The following TGFA variants were observed in gnomAD, a reference collection of about 807,000 sequenced individuals.
TGFA encodes the protein transforming growth factor alpha.
Under a neutral mutation model 21.7 loss-of-function variants are expected in TGFA, and 12 were observed. The observed-to-expected ratio is 0.55, with a 90% CI of 0.35 to 0.90. TGFA has a LOEUF of 0.90. Ranked by LOEUF, TGFA falls within the 40% of genes least tolerant of loss-of-function variation. The pLI is 0.01. For synonymous variants in TGFA, 79 were observed against 88.1 expected (o/e 0.90, Z 0.58); for missense variants, 178 against 210.8 (o/e 0.84, Z 0.96).
chr2:70,467,221 G>T (rs1195623831), intron 2 of TGFA, among the ~76,000 whole-genome samples: 3 of 152,122 alleles, frequency 2.0e-5, no homozygotes, highest in Admixed American at 2.0e-4. Flanking sequence ...TTAAAAAAAA[G>T]ATTACTTAAA....
At chr2:70,487,092 T>C (rs1443777976) in intron 2 of TGFA, among the ~76,000 whole-genome samples, 1 of 152,214 alleles carries the variant, frequency 6.6e-6, no homozygotes, top group Non-Finnish European at 1.5e-5. Context: ...CTTTTGAAAT[T>C]GCAAAAGCAA....
intron 2 of TGFA, among the ~76,000 whole-genome samples, chr2:70,497,423 A>G (rs562831949): frequency 6.6e-6 from 1 of 152,358 alleles, no homozygotes; most frequent in South Asian, 2.1e-4. Flanking sequence ...TGTTCAATTC[A>G]GTGAATCTCC....
chr2:70,489,915 G>T (rs1553497270), intron 2 of TGFA, among the ~76,000 whole-genome samples: 6 of 152,136 alleles, frequency 3.9e-5, no homozygotes, highest in Non-Finnish European at 8.8e-5. Flanking sequence ...GAGATATGTA[G>T]CTCTGGTTTA....
chr2:70,541,267 C>A (rs542743979), intron 1 of TGFA, among the ~76,000 whole-genome samples: 3 of 152,118 alleles, frequency 2.0e-5, no homozygotes, highest in Non-Finnish European at 4.4e-5. Context: ...ATATCCTAGC[C>A]ATTAAAAATT....
intron 1 of TGFA, among the ~76,000 whole-genome samples, chr2:70,540,513 C>A (rs1404887980): frequency 6.6e-6 from 1 of 152,186 alleles, no homozygotes; most frequent in East Asian, 1.9e-4. Flanking sequence ...GTTTACCCCA[C>A]ATCTTACACC....
At chr2:70,533,604 G>A (rs917170752) in intron 1 of TGFA, among the ~76,000 whole-genome samples, 2 of 151,884 alleles carry the variant, frequency 1.3e-5, no homozygotes, top group African/African-American at 4.8e-5. Flanking sequence ...CAACAGACCA[G>A]CAGGATAGGC....
chr2:70,454,159 G>C (rs148724480), intron 4 of TGFA, among the ~76,000 whole-genome samples: 1 of 152,182 alleles, frequency 6.6e-6, no homozygotes, highest in African/African-American at 2.4e-5. Context: ...GTATCCCTGG[G>C]CTAGGGTTGG....
At chr2:70,498,825 A>C (rs1257596240) in intron 2 of TGFA, among the ~76,000 whole-genome samples, 5 of 152,210 alleles carry the variant, frequency 3.3e-5, no homozygotes, top group African/African-American at 1.2e-4. Flanking sequence ...ACAGACATGC[A>C]AAACCAGATT....
At chr2:70,503,709 G>T (rs1161457451) in intron 2 of TGFA, among the ~76,000 whole-genome samples, 2 of 152,024 alleles carry the variant, frequency 1.3e-5, no homozygotes, top group African/African-American at 2.4e-5. Flanking sequence ...TTTATTTGTA[G>T]GCAACTTTTC....
At chr2:70,545,496 C>T (rs568692478) in intron 1 of TGFA, among the ~76,000 whole-genome samples, 1 of 152,150 alleles carries the variant, frequency 6.6e-6, no homozygotes, top group Admixed American at 6.5e-5. Flanking sequence ...TTTCAAACCA[C>T]AGGGGGAAGG....
In TGFA at chr2:70,553,078, C is replaced by T. The variant is rs1012947233; in HGVS notation, c.40+650G>A. On this transcript the variant is annotated intron_variant, in intron 1 of 5. Coordinates refer to ENST00000295400, the MANE Select transcript of TGFA (RefSeq NM_003236.4). ...GGACATACTCAAAGGAAACTGGCAA[C>T]ACTCGGTCTAGGGTTTCGCTCCTGC... 22 of 1,202,866 alleles carry T rather than the reference C, an allele frequency of 1.8e-5. 1 individual carries two copies. The highest frequency in any genetic ancestry group is 2.4e-5 in the Non-Finnish European group (21 of 866,570). The allele number at this position is 1,202,866 out of a possible 1,614,324, so 74.5% of individuals were successfully genotyped here. A position where few individuals can be genotyped will look rare whatever the true frequency, so the allele number is the denominator to read the frequency against.
At chr2:70,508,306 G>A (rs1481525151) in intron 2 of TGFA, among the ~76,000 whole-genome samples, 1 of 152,166 alleles carries the variant, frequency 6.6e-6, no homozygotes, top group African/African-American at 2.4e-5. Flanking sequence ...TTAGCTGGGC[G>A]TGGTAGCCGG....
At chr2:70,520,408 G>C (rs1479016920) in intron 1 of TGFA, among the ~76,000 whole-genome samples, 4 of 64 alleles carry the variant, frequency 0.062, no homozygotes, top group African/African-American at 0.18. Flanking sequence ...CCAGCTACTT[G>C]GGAGGCAGAG....
intron 1 of TGFA, among the ~76,000 whole-genome samples, chr2:70,544,659 A>G (rs1673237115): frequency 6.6e-6 from 1 of 152,224 alleles, no homozygotes; most frequent in Non-Finnish European, 1.5e-5. Context: ...AGAATAAATG[A>G]GTGAACACAT....
At chr2:70,462,530 G>A (rs1553491569) in intron 3 of TGFA, among the ~76,000 whole-genome samples, 1 of 152,170 alleles carries the variant, frequency 6.6e-6, no homozygotes, top group African/African-American at 2.4e-5. Flanking sequence ...TGGAGAGCGC[G>A]AGCCCTATCT....
intron 2 of TGFA, among the ~76,000 whole-genome samples, chr2:70,477,962 T>C (rs1300406889): frequency 1.3e-5 from 2 of 152,192 alleles, no homozygotes; most frequent in Admixed American, 6.5e-5. Flanking sequence ...TCACAATAAA[T>C]CATATCCTTT....
intron 1 of TGFA, among the ~76,000 whole-genome samples, chr2:70,540,696 A>G (rs567419884): frequency 6.6e-6 from 1 of 152,332 alleles, no homozygotes; most frequent in South Asian, 2.1e-4. Context: ...CCTAAGGTTA[A>G]AAACAAAAAA....
At chr2:70,470,013 C>T (rs1670687932) in intron 2 of TGFA, among the ~76,000 whole-genome samples, 1 of 151,736 alleles carries the variant, frequency 6.6e-6, no homozygotes, top group Admixed American at 6.6e-5. Context: ...AAAGGCAATG[C>T]AAACGAGAAA....
At chr2:70,524,292 C>G (rs1228094243) in intron 1 of TGFA, among the ~76,000 whole-genome samples, 1 of 152,270 alleles carries the variant, frequency 6.6e-6, no homozygotes, top group Non-Finnish European at 1.5e-5. Context: ...AGGCCCTGTG[C>G]TTGCTCTCAC....
Sources: gnomAD v4.1 joint callset for allele counts (sites outside exome capture counted in the v4.1 genomes callset) on GRCh38, gnomAD v4.1.1 for gene constraint, MANE v1.5 for transcripts, NCBI Gene and HGNC (gene_info 2026-07-23, HGNC 2026-07-21) for gene names.